The following ELK3 variants were observed in gnomAD, a reference collection of about 807,000 sequenced individuals.
ELK3 encodes the protein ETS domain-containing protein Elk-3.
A neutral mutation model predicts 28.9 loss-of-function variants in ELK3; 10 were observed. The observed-to-expected ratio is 0.35, with a 90% CI of 0.21 to 0.59. ELK3 has a LOEUF of 0.59. Among genes scored for constraint, ELK3 ranks in the 20% least tolerant of loss-of-function variants. The probability of loss-of-function intolerance (pLI) is 0.82; values close to 1 mark genes in which losing one functional copy is unlikely to be tolerated. For missense variants in ELK3, 463 were observed against 517.3 expected (o/e 0.90, Z 1.02); for synonymous variants, 272 against 243.5 (o/e 1.12, Z -1.09).
chr12:96,228,912 C>G (rs149063775), intron 2 of ELK3, among the ~76,000 whole-genome samples: 1 of 152,222 alleles, frequency 6.6e-6, no homozygotes, highest in Admixed American at 6.5e-5. Context: ...GATAAGATGA[C>G]GCGGATAAGG....
intron 1 of ELK3, among the ~76,000 whole-genome samples, chr12:96,219,808 A>T (rs1388168514): frequency 6.6e-6 from 1 of 152,116 alleles, no homozygotes; most frequent in Non-Finnish European, 1.5e-5. Flanking sequence ...GCTCTGAGTA[A>T]TGTCTGGCTG....
intron 4 of ELK3, among the ~76,000 whole-genome samples, chr12:96,261,056 C>T (rs1362688678): frequency 6.6e-6 from 1 of 152,126 alleles, no homozygotes; most frequent in Non-Finnish European, 1.5e-5. Flanking sequence ...TGAGAAAGGC[C>T]AGTATTAATA....
intron 1 of ELK3, among the ~76,000 whole-genome samples, chr12:96,206,562 A>G (rs1951539671): frequency 6.6e-6 from 1 of 152,186 alleles, no homozygotes; most frequent in Admixed American, 6.5e-5. Flanking sequence ...TTGGCCTCCC[A>G]AAGTGCAGGG....
chr12:96,209,300 C>A (rs1951560721), intron 1 of ELK3, among the ~76,000 whole-genome samples: 1 of 151,924 alleles, frequency 6.6e-6, no homozygotes, highest in African/African-American at 2.4e-5. Context: ...GGAATTCCTA[C>A]CTTTTGCCTT....
At chr12:96,243,955 G>A (rs1951838947) in intron 2 of ELK3, among the ~76,000 whole-genome samples, 2 of 145,210 alleles carry the variant, frequency 1.4e-5, no homozygotes, top group African/African-American at 2.6e-5. Context: ...GCAGTGAGCC[G>A]AGATCACGCC....
chr12:96,223,989 T>C (rs1356549253), intron 2 of ELK3: 63 of 558,584 alleles, frequency 1.1e-4, no homozygotes, highest in Non-Finnish European at 6.3e-6. Context: ...TTTTGTTTCT[T>C]CTGCATTTTC....
intron 1 of ELK3, among the ~76,000 whole-genome samples, chr12:96,195,191 G>A (rs1951454876): frequency 6.6e-6 from 1 of 152,118 alleles, no homozygotes; most frequent in Non-Finnish European, 1.5e-5. Context: ...GGCTCCCCTC[G>A]AGTGGGCAAA....
intron 1 of ELK3, among the ~76,000 whole-genome samples, chr12:96,202,023 AC>A (rs1379791387): frequency 3.9e-5 from 6 of 152,158 alleles, no homozygotes; most frequent in Admixed American, 1.3e-4. Flanking sequence ...GAGTTTGGTC[AC>A]CTGGTGAAAT....
chr12:96,227,519 A>C (rs1281361925), intron 2 of ELK3, among the ~76,000 whole-genome samples: 1 of 152,274 alleles, frequency 6.6e-6, no homozygotes, highest in African/African-American at 2.4e-5. Context: ...AATGTGTGCA[A>C]ACTTGCAGAA....
At chr12:96,228,442 A>AAAAAAAAAAAAAAAAAAAAAAAAAAAG (rs761298726) in intron 2 of ELK3, among the ~76,000 whole-genome samples, 3 of 142,558 alleles carry the variant, frequency 2.1e-5, no homozygotes, top group Admixed American at 1.5e-4. Flanking sequence ...AAAAAAAAAA[A>AAAAAAAAAAAAAAAAAAAAAAAAAAAG]AAGAAGATCA....
At chr12:96,202,835 C>A (rs1332572413) in intron 1 of ELK3, among the ~76,000 whole-genome samples, 1 of 151,022 alleles carries the variant, frequency 6.6e-6, no homozygotes, top group Non-Finnish European at 1.5e-5. Context: ...CCACCACAGG[C>A]TTTATTTACA....
intron 3 of ELK3, among the ~76,000 whole-genome samples, chr12:96,249,484 C>G (rs1174962013): frequency 6.6e-6 from 1 of 152,164 alleles, no homozygotes; most frequent in East Asian, 1.9e-4. Context: ...GTCCAGTGAC[C>G]AAGGGCTGCT....
chr12:96,241,348 T>C (rs1216137890), intron 2 of ELK3, among the ~76,000 whole-genome samples: 5 of 152,138 alleles, frequency 3.3e-5, no homozygotes, highest in African/African-American at 9.7e-5. Flanking sequence ...ACAAAACTTA[T>C]CGAAATATTT....
intron 1 of ELK3, among the ~76,000 whole-genome samples, chr12:96,195,459 T>A (rs1951457545): frequency 6.6e-6 from 1 of 152,158 alleles, no homozygotes; most frequent in Non-Finnish European, 1.5e-5. Flanking sequence ...ACCTTCGAAC[T>A]CAACGTTGGC....
Position 96,247,299 on chromosome 12 carries a change from A to T in ELK3, c.567A>T (p.Lys189Asn), listed in dbSNP as rs775675059. 1.9e-6 allele frequency: 3 copies of T among 1,614,104 alleles called. No homozygotes were observed. Among genetic ancestry groups the T allele is most frequent in the Non-Finnish European group, 2.5e-6 (3 of 1,180,016 alleles). Residue 189 changes from lysine (K) to asparagine (N), a missense_variant, in exon 3 of 5, where the codon AAA (lysine) becomes AAT (asparagine). This residue lies in a region of ELK3 where 408 missense variants were observed against 414.8 expected (regional missense o/e 0.98). Coordinates refer to ENST00000228741, the MANE Select transcript of ELK3 (RefSeq NM_005230.4). This position sits in a 1 kb window ranked among gnomAD's most constrained non-coding sequence, Gnocchi z 5.5. ...VRTVIRFVTN[K>N]TDKHVTRPVV... ...CTGTGATCAGGTTTGTGACCAATAA[A>T]ACCGACAAGCACGTCACCAGGCCGG...
rs767475517 is a variant in ELK3 at position 96,259,704 on chromosome 12, A to T, written c.1003-27A>T. 15 of 1,601,534 alleles carry T rather than the reference A, an allele frequency of 9.4e-6. No homozygotes were observed. In the South Asian group the frequency reaches 1.7e-4, roughly 18 times the overall value. ...GGCCCAAGTCAGGTGAACCTATATG[A>T]AGAAGTCTGTTTGCTTTACTTCCCA... On this transcript the variant is annotated intron_variant, in intron 3 of 4. Transcript: ENST00000228741.
At chr12:96,245,333 A>C (rs1000862851) in intron 2 of ELK3, among the ~76,000 whole-genome samples, 1 of 152,124 alleles carries the variant, frequency 6.6e-6, no homozygotes, top group African/African-American at 2.4e-5. Flanking sequence ...CTCTCCCCCT[A>C]AATTTGTGTG....
intron 2 of ELK3, among the ~76,000 whole-genome samples, chr12:96,242,387 C>CT (rs1348971894): frequency 1.3e-5 from 2 of 152,210 alleles, no homozygotes; most frequent in African/African-American, 4.8e-5. Flanking sequence ...ATTCCATTCT[C>CT]TAAGAGGATT....
intron 3 of ELK3, among the ~76,000 whole-genome samples, chr12:96,259,009 C>T (rs1012463100): frequency 3.3e-5 from 5 of 152,102 alleles, no homozygotes; most frequent in African/African-American, 1.2e-4. Context: ...AACGTGTGTT[C>T]GTAACCCAAG....
Sources: allele counts gnomAD v4.1 joint callset (sites outside exome capture counted in the v4.1 genomes callset), GRCh38; gene constraint gnomAD v4.1.1; regional missense constraint gnomAD v4.1.1; non-coding constraint Gnocchi (gnomAD v3.1); transcripts MANE v1.5; gene names NCBI Gene and HGNC (gene_info 2026-07-23, HGNC 2026-07-21).